ZNF385D: variants seen among roughly 807,000 people sequenced by gnomAD.
ZNF385D encodes zinc finger protein 659.
ZNF385D carries 15 observed loss-of-function variants against 35.8 expected under a neutral mutation model. The ratio of observed to expected loss-of-function variants is 0.42; its 90% CI spans 0.28 to 0.64. The LOEUF (loss-of-function observed/expected upper bound fraction) is 0.64, where lower values mean the gene tolerates loss of function less well. ZNF385D is among the 30% of genes least tolerant of loss of function. The probability of loss-of-function intolerance (pLI) is 0.23; values close to 1 mark genes in which losing one functional copy is unlikely to be tolerated. For synonymous variants in ZNF385D, 212 were observed against 186.8 expected, an observed-to-expected ratio of 1.13 and a Z score of -1.10; for missense variants, 474 against 494.6, an observed-to-expected ratio of 0.96 and a Z score of 0.39.
intron 2 of ZNF385D, among the ~76,000 whole-genome samples, chr3:21,635,433 C>A (rs1187999335): frequency 1.3e-5 from 2 of 151,992 alleles, no homozygotes; most frequent in Non-Finnish European, 2.9e-5. Context: ...GATGAAGAAA[C>A]TGAGTTACAA....
At chr3:21,581,188 G>C (rs2063650153) in intron 2 of ZNF385D, among the ~76,000 whole-genome samples, 1 of 152,100 alleles carries the variant, frequency 6.6e-6, no homozygotes, top group Non-Finnish European at 1.5e-5. Context: ...CAATAACGTA[G>C]ACCTGCTGGC....
chr3:21,608,012 C>CTTTTTTTTTTTTTTTTTTTT (rs368555930), intron 2 of ZNF385D, among the ~76,000 whole-genome samples: 22 of 123,936 alleles, frequency 1.8e-4, no homozygotes, highest in African/African-American at 6.6e-4. Context: ...TCTTTTTCTT[C>CTTTTTTTTTTTTTTTTTTTT]TTTTTTTTTT....
chr3:21,871,637 G>C (rs1252419934), intron 3 of ZNF385D, among the ~76,000 whole-genome samples: 1 of 152,086 alleles, frequency 6.6e-6, no homozygotes, highest in Non-Finnish European at 1.5e-5. Flanking sequence ...CTCTTTGTGA[G>C]AGATTTAATT....
intron 1 of ZNF385D, among the ~76,000 whole-genome samples, chr3:21,717,180 T>A (rs1197705067): frequency 6.6e-6 from 1 of 152,142 alleles, no homozygotes; most frequent in African/African-American, 2.4e-5. Flanking sequence ...GGTTAATAAA[T>A]GTATAAATGG....
intron 1 of ZNF385D, among the ~76,000 whole-genome samples, chr3:21,750,233 T>C (rs1292047601): frequency 6.6e-6 from 1 of 152,186 alleles, no homozygotes; most frequent in Non-Finnish European, 1.5e-5. Flanking sequence ...TCAACATGCT[T>C]TCTGGAAATG....
intron 3 of ZNF385D, among the ~76,000 whole-genome samples, chr3:22,086,287 T>G (rs1249241256): frequency 1.3e-5 from 2 of 152,210 alleles, no homozygotes; most frequent in Non-Finnish European, 2.9e-5. Context: ...ATGACATGAT[T>G]GTATATTTAG....
chr3:21,689,902 A>T (rs2067227149), intron 1 of ZNF385D, among the ~76,000 whole-genome samples: 1 of 139,030 alleles, frequency 7.2e-6, no homozygotes, highest in South Asian at 2.3e-4. Context: ...AAAAAAAAAA[A>T]GTAGCAAATA....
intron 1 of ZNF385D, among the ~76,000 whole-genome samples, chr3:21,676,816 C>T (rs2066744838): frequency 6.6e-6 from 1 of 151,652 alleles, no homozygotes; most frequent in African/African-American, 2.4e-5. Context: ...TTGTATTATA[C>T]CTCTCTCCTT....
intron 3 of ZNF385D, among the ~76,000 whole-genome samples, chr3:22,072,464 A>C (rs1700273991): frequency 6.6e-6 from 1 of 152,152 alleles, no homozygotes; most frequent in Non-Finnish European, 1.5e-5. Flanking sequence ...CACTAGAACT[A>C]GAACTCGTCA....
At chr3:21,569,927 G>A (rs2063279282) in intron 2 of ZNF385D, among the ~76,000 whole-genome samples, 1 of 148,842 alleles carries the variant, frequency 6.7e-6, no homozygotes. Context: ...GGGGCAGGGA[G>A]GGATAGCATT....
At chr3:22,161,071 A>G (rs1473141979) in intron 3 of ZNF385D, among the ~76,000 whole-genome samples, 1 of 152,100 alleles carries the variant, frequency 6.6e-6, no homozygotes, top group Non-Finnish European at 1.5e-5. Flanking sequence ...TTCATTCTAT[A>G]CCTCATAATG....
At chr3:21,848,105 A>G (rs1181427290) in intron 3 of ZNF385D, among the ~76,000 whole-genome samples, 1 of 152,058 alleles carries the variant, frequency 6.6e-6, no homozygotes, top group Non-Finnish European at 1.5e-5. Flanking sequence ...TATTTCACTT[A>G]GCCCAATTGA....
At chr3:21,725,066 G>A (rs1444385662) in intron 1 of ZNF385D, among the ~76,000 whole-genome samples, 3 of 152,064 alleles carry the variant, frequency 2.0e-5, no homozygotes, top group African/African-American at 4.8e-5. Flanking sequence ...ACTGAACAAT[G>A]TGCTCCTGAA....
At chr3:21,593,166 C>T (rs528572892) in intron 2 of ZNF385D, among the ~76,000 whole-genome samples, 1 of 152,196 alleles carries the variant, frequency 6.6e-6, no homozygotes, top group East Asian at 1.9e-4. Flanking sequence ...TGCTTGAGAT[C>T]TCTCAACTCA....
intron 3 of ZNF385D, among the ~76,000 whole-genome samples, chr3:21,759,080 T>G (rs2070485135): frequency 6.7e-6 from 1 of 148,434 alleles, no homozygotes; most frequent in Admixed American, 6.8e-5. Context: ...TTCAAAGCAC[T>G]TAGTATCTCA....
chr3:21,694,765 C>T (rs1321482069), intron 1 of ZNF385D, among the ~76,000 whole-genome samples: 1 of 152,132 alleles, frequency 6.6e-6, no homozygotes, highest in African/African-American at 2.4e-5. Context: ...ATTAAGCAAC[C>T]TCATGACTCC....
rs1449988522 is a variant in ZNF385D at position 21,978,373 on chromosome 3, G to C, written c.325+190444C>G. 3 of 152,198 alleles carry C rather than the reference G, an allele frequency of 2.0e-5. No homozygotes were observed. The East Asian group carries it at 5.8e-4, about 29-fold the overall frequency. 9.4% of individuals were successfully genotyped at this position (152,198 alleles called of 1,614,324 possible). A position where few individuals can be genotyped will look rare whatever the true frequency, so the allele number is the denominator to read the frequency against. On this transcript the variant is annotated intron_variant, in intron 3 of 5. Transcript: ENST00000494108. Reference sequence around the variant, plus strand: ...GATTTAAATTAAGGCCAATATTGTGGAATATTAGATATGCTACGTGTTTTG... The same window carrying C: ...GATTTAAATTAAGGCCAATATTGTGCAATATTAGATATGCTACGTGTTTTG...
chr3:22,339,343 T>A (rs945510495), intron 2 of ZNF385D, among the ~76,000 whole-genome samples: 17 of 152,316 alleles, frequency 1.1e-4, no homozygotes, highest in Admixed American at 4.6e-4. Flanking sequence ...TTTCTCACCT[T>A]CTTTGTGAAC....
At chr3:22,223,486 A>G (rs986894698) in intron 2 of ZNF385D, among the ~76,000 whole-genome samples, 4 of 152,216 alleles carry the variant, frequency 2.6e-5, no homozygotes, top group East Asian at 1.9e-4. Flanking sequence ...CAAATTTCTT[A>G]TCTGTAAATT....
Sources: allele counts gnomAD v4.1 joint callset (sites outside exome capture counted in the v4.1 genomes callset), GRCh38; gene constraint gnomAD v4.1.1; transcripts MANE v1.5; gene names NCBI Gene and HGNC (gene_info 2026-07-23, HGNC 2026-07-21).